The following UVRAG variants were observed in gnomAD, a reference collection of about 807,000 sequenced individuals.
UVRAG encodes UV radiation resistance associated, also known as UV radiation resistance-associated gene protein.
UVRAG carries 19 observed loss-of-function variants against 78.0 expected under a neutral mutation model. That is an observed-to-expected ratio of 0.24 (90% CI 0.17 to 0.36). The LOEUF is 0.36. Ranked by LOEUF, UVRAG falls within the 10% of genes least tolerant of loss-of-function variation. The probability of loss-of-function intolerance (pLI) is 1.00; values close to 1 mark genes in which losing one functional copy is unlikely to be tolerated. For missense variants in UVRAG, 740 were observed against 853.8 expected, an observed-to-expected ratio of 0.87 and a Z score of 1.66; for synonymous variants, 323 against 324.6, an observed-to-expected ratio of 1.00 and a Z score of 0.05.
intron 13 of UVRAG, among the ~76,000 whole-genome samples, chr11:76,084,190 G>C (rs1951544689): frequency 6.6e-6 from 1 of 152,144 alleles, no homozygotes; most frequent in East Asian, 1.9e-4. Context: ...TGATGTGAGT[G>C]GATATATTTC....
intron 11 of UVRAG, among the ~76,000 whole-genome samples, chr11:76,014,394 G>T (rs146490537): frequency 6.6e-6 from 1 of 152,200 alleles, no homozygotes; most frequent in Non-Finnish European, 1.5e-5. Flanking sequence ...GAAAGGAAAA[G>T]CTTTGTATAA....
intron 1 of UVRAG, among the ~76,000 whole-genome samples, chr11:75,837,284 G>A (rs1473367528): frequency 7.0e-6 from 1 of 142,592 alleles, no homozygotes; most frequent in Non-Finnish European, 1.5e-5. Flanking sequence ...CTGAGATCAC[G>A]CCACTGCACT....
At chr11:75,996,328 A>G (rs1240330031) in intron 8 of UVRAG, among the ~76,000 whole-genome samples, 2 of 152,118 alleles carry the variant, frequency 1.3e-5, no homozygotes, top group African/African-American at 4.8e-5. Flanking sequence ...AAGTAGAAGG[A>G]GCATTGATTT....
intron 5 of UVRAG, among the ~76,000 whole-genome samples, chr11:75,908,725 T>C (rs1947672073): frequency 6.8e-6 from 1 of 146,396 alleles, no homozygotes; most frequent in African/African-American, 2.5e-5. Flanking sequence ...TTTTTTTTTT[T>C]TTTTTTTTTT....
intron 12 of UVRAG, among the ~76,000 whole-genome samples, chr11:76,018,797 T>G (rs1354764901): frequency 6.6e-6 from 1 of 152,218 alleles, no homozygotes; most frequent in Non-Finnish European, 1.5e-5. Context: ...TTTGGGAGTT[T>G]GATTGTTAAA....
chr11:75,877,585 C>T (rs1177945638), intron 3 of UVRAG, among the ~76,000 whole-genome samples: 7 of 141,262 alleles, frequency 5.0e-5, no homozygotes, highest in Non-Finnish European at 9.3e-5. Flanking sequence ...CCCTCCCGTA[C>T]GGGTCGGCTG....
rs146646889 is a variant in UVRAG, at chr11:76,068,507, T to A, written c.1305+2719T>A. Reference sequence around the variant, plus strand: ...TCCTCTGTGGATTTTCTTTTTTTAATCACACTGGAGGCAGTTTTAAAAGGA... The same window carrying A: ...TCCTCTGTGGATTTTCTTTTTTTAAACACACTGGAGGCAGTTTTAAAAGGA... On this transcript the variant is annotated intron_variant, in intron 13 of 14. Transcript: ENST00000356136. Among the ~76,000 whole-genome samples the A allele has an allele frequency of 1.1e-3, 160 of 152,352 alleles. 1 individual carries two copies. In the East Asian group the frequency reaches 0.026, roughly 25 times the overall value.
At chr11:75,943,331 C>T (rs1948524414) in intron 6 of UVRAG, among the ~76,000 whole-genome samples, 1 of 149,382 alleles carries the variant, frequency 6.7e-6, no homozygotes, top group Non-Finnish European at 1.5e-5. Context: ...ATTTATTGGC[C>T]TAAAGTTGTA....
At chr11:75,896,119 T>C (rs1947339859) in intron 5 of UVRAG, among the ~76,000 whole-genome samples, 1 of 152,212 alleles carries the variant, frequency 6.6e-6, no homozygotes, top group Admixed American at 6.5e-5. Flanking sequence ...CCTTAAATAA[T>C]TTGAAGAGCA....
Position 75,893,680 on chromosome 11 carries a change from A to T in UVRAG, c.507+4777A>T, listed in dbSNP as rs1014961914. 4.7e-3 allele frequency among the ~76,000 whole-genome samples: 712 copies of T among 150,362 alleles called. 4 individuals carry two copies. Among genetic ancestry groups the T allele is most frequent in the African/African-American group, 0.016 (652 of 41,208 alleles). On this transcript the variant is annotated intron_variant, in intron 5 of 14. Coordinates refer to ENST00000356136, the MANE Select transcript of UVRAG (RefSeq NM_003369.4). The stretch of plus-strand genomic sequence containing the variant: ...AAATACTATCTCTACCAAAAAAAAA[A>T]AAAAAAAAAAAAAAAAATTAGCCAG...
intron 14 of UVRAG, among the ~76,000 whole-genome samples, chr11:76,128,980 G>A (rs142127094): frequency 3.5e-3 from 528 of 152,158 alleles, no homozygotes; most frequent in African/African-American, 0.012. Context: ...TAATATCATT[G>A]TAGCTAATAT....
chr11:75,852,066 G>A, intron 2 of UVRAG, 66 bp downstream of exon 2: 1 of 1,106,202 alleles, frequency 9.0e-7, no homozygotes, highest in Admixed American at 2.4e-5. Context: ...TAACACAAGT[G>A]ATTCTCAGTG....
chr11:76,029,194 G>A (rs1950389723), intron 12 of UVRAG, among the ~76,000 whole-genome samples: 1 of 152,132 alleles, frequency 6.6e-6, no homozygotes. Flanking sequence ...TAAGGCCCCT[G>A]TTGAGACCTA....
rs375415060 is a variant in UVRAG at position 76,129,933 on chromosome 11, GCTCT to G, written c.1398-10766_1398-10763del. Among the ~76,000 whole-genome samples, 305 of 145,172 alleles carry G rather than the reference GCTCT, an allele frequency of 2.1e-3. 1 individual carries two copies. The highest frequency in any genetic ancestry group is 4.3e-3 in the South Asian group (20 of 4,598). ...CTCACTCACTCTCACACTCTCTCTC[GCTCT>G]CTCTCTCTCTCGCTTTCTCTCTCTC... On this transcript the variant is annotated intron_variant, in intron 14 of 14. Coordinates refer to ENST00000356136, the MANE Select transcript of UVRAG (RefSeq NM_003369.4).
At chr11:76,002,721 G>A (rs896924991) in intron 8 of UVRAG, among the ~76,000 whole-genome samples, 18 of 152,114 alleles carry the variant, frequency 1.2e-4, no homozygotes, top group African/African-American at 4.1e-4. Flanking sequence ...TTCTGTTGGG[G>A]TCAGAGTTCC....
At chr11:75,962,873 A>G (rs533007779) in intron 7 of UVRAG, among the ~76,000 whole-genome samples, 1 of 152,288 alleles carries the variant, frequency 6.6e-6, no homozygotes, top group South Asian at 2.1e-4. Context: ...AGTGTGGAAA[A>G]ATGTATTTTT....
chr11:75,833,179 G>C (rs1945698965), intron 1 of UVRAG, among the ~76,000 whole-genome samples: 1 of 152,032 alleles, frequency 6.6e-6, no homozygotes, highest in Non-Finnish European at 1.5e-5. Flanking sequence ...CTGTTTTTCA[G>C]AACACCTGTA....
In UVRAG at chr11:75,815,484, C is replaced by T; in HGVS notation, c.77C>T (p.Ser26Phe). 8.0e-7 allele frequency: 1 copy of T among 1,244,750 alleles called. No homozygotes were observed. Among genetic ancestry groups the T allele is most frequent in the Non-Finnish European group, 1.0e-6 (1 of 994,172 alleles). 77.1% of individuals were successfully genotyped at this position (1,244,750 alleles called of 1,614,324 possible). A position where few individuals can be genotyped will look rare whatever the true frequency, so the allele number is the denominator to read the frequency against. Residue 26 changes from serine to phenylalanine, a missense_variant, in exon 1 of 15, where the codon TCT (serine) becomes TTT (phenylalanine). Physicochemically the swap from Ser to Phe is radical, Grantham distance 155. Coordinates refer to ENST00000356136, the MANE Select transcript of UVRAG (RefSeq NM_003369.4). Reference protein sequence around the residue: ...PGPAAALPPGSAARALHVELP... With the variant: ...PGPAAALPPGFAARALHVELP... The stretch of plus-strand genomic sequence containing the variant: ...CCGGCCGCTGCTCTGCCTCCCGGTT[C>T]TGCCGCGCGGGCCCTGCATGTGGAG...
chr11:75,910,122 T>G (rs1283816556), intron 5 of UVRAG, among the ~76,000 whole-genome samples: 2 of 152,250 alleles, frequency 1.3e-5, no homozygotes, highest in Non-Finnish European at 2.9e-5. Flanking sequence ...GGCACTTTTG[T>G]GTTTCTTTTC....
Sources: allele counts gnomAD v4.1 joint callset (sites outside exome capture counted in the v4.1 genomes callset), GRCh38; gene constraint gnomAD v4.1.1; transcripts MANE v1.5; gene names NCBI Gene and HGNC (gene_info 2026-07-23, HGNC 2026-07-21).